Variants in TRIM33 observed in about 807,000 individuals in gnomAD.
TRIM33 encodes E3 ubiquitin-protein ligase TRIM33.
TRIM33 carries 20 observed loss-of-function variants against 125.4 expected under a neutral mutation model. The observed-to-expected ratio is 0.16, with a 90% confidence interval of 0.11 to 0.23. TRIM33 has a LOEUF of 0.23. Among genes scored for constraint, TRIM33 ranks in the 10% least tolerant of loss-of-function variants. The pLI, the probability that TRIM33 is intolerant of heterozygous loss-of-function variation, is 1.00. For synonymous variants in TRIM33, 564 were observed against 513.9 expected (o/e 1.10, Z -1.32); for missense variants, 920 against 1,411.4 (o/e 0.65, Z 5.58).
At chr1:114,406,863 AGTCTT>A in intron 14 of TRIM33, 73 bp downstream of exon 14, 1 of 1,370,204 alleles carries the variant, frequency 7.3e-7, no homozygotes, top group Admixed American at 2.2e-5. Flanking sequence ...CCCACTACTT[AGTCTT>A]AATATACTCA....
intron 4 of TRIM33, among the ~76,000 whole-genome samples, chr1:114,452,792 T>C (rs1171331285): frequency 2.0e-5 from 3 of 147,854 alleles, no homozygotes; most frequent in Non-Finnish European, 4.5e-5. Flanking sequence ...GTCATAACAA[T>C]TTGGAAGGCT....
rs1285256916 is a variant in TRIM33 at position 114,393,419 on chromosome 1, T to C, written c.*4229A>G. Reference sequence around the variant, plus strand: ...GCACTTACAAAATCATTTTGGTGCCTTCCCACACATAAATTTGGTGAATTT... The same window carrying C: ...GCACTTACAAAATCATTTTGGTGCCCTCCCACACATAAATTTGGTGAATTT... On this transcript the variant is annotated 3_prime_UTR_variant, in exon 20 of 20. Transcript: ENST00000358465. The C allele has an allele frequency of 9.9e-6, 2 of 202,174 alleles. No individual in the cohort carries two copies. Among genetic ancestry groups the C allele is most frequent in the Non-Finnish European group, 2.0e-5 (2 of 98,316 alleles). The allele number at this position is 202,174 out of a possible 1,614,324, so 12.5% of individuals were successfully genotyped here.
At chr1:114,487,468 T>C (rs1031056282) in intron 1 of TRIM33, among the ~76,000 whole-genome samples, 9 of 151,066 alleles carry the variant, frequency 6.0e-5, no homozygotes, top group Admixed American at 2.6e-4. Flanking sequence ...TATTCTCAGA[T>C]GAAAAAATAT....
In TRIM33 at chr1:114,395,805, A is replaced by C. The variant is rs1020367804; in HGVS notation, c.*1843T>G. 3.1e-5 allele frequency: 6 copies of C among 190,554 alleles called. No homozygotes were observed. The highest frequency in any genetic ancestry group is 1.4e-4 in the African/African-American group (6 of 43,004). 11.8% of individuals were successfully genotyped at this position (190,554 alleles called of 1,614,324 possible). ...AAGGAAGCCAGGAATAAAGTAAATC[A>C]ATAGTAATAATAAAATCAATACTCT... On this transcript the variant is annotated 3_prime_UTR_variant, in exon 20 of 20. Coordinates refer to ENST00000358465, the MANE Select transcript of TRIM33 (RefSeq NM_015906.4).
At chr1:114,444,271 C>T (rs1257981441) in intron 4 of TRIM33, among the ~76,000 whole-genome samples, 1 of 152,094 alleles carries the variant, frequency 6.6e-6, no homozygotes, top group East Asian at 1.9e-4. Flanking sequence ...TGTGTGAATT[C>T]CTCACAAGTT....
intron 1 of TRIM33, among the ~76,000 whole-genome samples, chr1:114,494,130 T>TTTTAA (rs376002786): frequency 0.026 from 3,981 of 152,008 alleles, 91 homozygotes; most frequent in Non-Finnish European, 0.034. Context: ...GCCATTTTTT[T>TTTTAA]TTTTAATTTT....
At chr1:114,485,800 G>T (rs917268358) in intron 1 of TRIM33, among the ~76,000 whole-genome samples, 1 of 152,080 alleles carries the variant, frequency 6.6e-6, no homozygotes, top group Non-Finnish European at 1.5e-5. Context: ...AAATAGAATC[G>T]CAAGTCTCAG....
chr1:114,422,396 T>C (rs759036171), intron 10 of TRIM33, among the ~76,000 whole-genome samples: 10 of 152,180 alleles, frequency 6.6e-5, no homozygotes, highest in East Asian at 1.9e-4. Context: ...CTAGAAATAC[T>C]TGAAGGCCTT....
chr1:114,429,582 T>G (rs910354030), intron 6 of TRIM33, among the ~76,000 whole-genome samples: 1 of 151,664 alleles, frequency 6.6e-6, no homozygotes, highest in Non-Finnish European at 1.5e-5. Flanking sequence ...CATTTTTATG[T>G]AATTATTCAC....
At chr1:114,435,474 G>A (rs1223670414) in intron 4 of TRIM33, among the ~76,000 whole-genome samples, 3 of 152,166 alleles carry the variant, frequency 2.0e-5, no homozygotes, top group African/African-American at 7.2e-5. Context: ...ATAATACTAT[G>A]AGCATCTAAA....
At chr1:114,409,251 G>C (rs539509115) in intron 12 of TRIM33, among the ~76,000 whole-genome samples, 3 of 152,122 alleles carry the variant, frequency 2.0e-5, no homozygotes, top group African/African-American at 7.2e-5. Flanking sequence ...AACACTTCTA[G>C]ACTGTTAACC....
At position 114,399,606 on chromosome 1, in the gene TRIM33, G is replaced by T; in HGVS notation, c.2971C>A (p.Pro991Thr). The T allele has an allele frequency of 6.3e-7, 1 of 1,594,834 alleles. No individual in the cohort carries two copies. The highest frequency in any genetic ancestry group is 8.6e-7 in the Non-Finnish European group (1 of 1,169,216). The change falls in exon 18 of 20, where the codon CCA becomes ACA. Residue 991 changes from proline (P) to threonine (T), a missense_variant. Pro to Thr is a conservative substitution (Grantham distance 38). Coordinates refer to ENST00000358465, the MANE Select transcript of TRIM33 (RefSeq NM_015906.4). The part of the protein sequence containing the change: ...EFQEPVPASI[P>T]NYYKIIKKPM... ...TTCTTTATAATTTTATAGTAGTTTG[G>T]TATCTAAAATAAGCACATAATGGCA...
chr1:114,470,549 C>T (rs949403928), intron 1 of TRIM33, among the ~76,000 whole-genome samples: 3 of 152,036 alleles, frequency 2.0e-5, no homozygotes, highest in African/African-American at 7.2e-5. Context: ...TGAGACCAAA[C>T]AATATTGAAA....
intron 1 of TRIM33, among the ~76,000 whole-genome samples, chr1:114,487,946 T>C (rs1026443327): frequency 8.3e-5 from 11 of 132,946 alleles, no homozygotes; most frequent in African/African-American, 2.6e-4. Context: ...GTAAATATAA[T>C]AGATTTCTTC....
intron 2 of TRIM33, 144 bp from the exon 3 acceptor site, chr1:114,463,700 T>C: frequency 1.7e-6 from 1 of 594,266 alleles, no homozygotes; most frequent in Non-Finnish European, 2.9e-6. Context: ...ACAAAATCCT[T>C]TTCCTTACAG....
intron 16 of TRIM33, among the ~76,000 whole-genome samples, chr1:114,401,757 C>T (rs1045543577): frequency 6.6e-6 from 1 of 152,182 alleles, no homozygotes; most frequent in Admixed American, 6.5e-5. Flanking sequence ...TTATAAATTA[C>T]TTGGTAATAA....
intron 1 of TRIM33, among the ~76,000 whole-genome samples, chr1:114,474,514 C>A (rs1650853501): frequency 6.9e-6 from 1 of 144,008 alleles, no homozygotes; most frequent in African/African-American, 2.6e-5. Context: ...TTCAAGGCTG[C>A]AGTGAGCTAG....
At chr1:114,399,656 A>G (rs1186081176) in intron 17 of TRIM33, 47 bp from the exon 18 acceptor site, 1 of 1,480,298 alleles carries the variant, frequency 6.8e-7, no homozygotes, top group Non-Finnish European at 9.2e-7. Context: ...AAAAATGCCA[A>G]ACTGTTTAAT....
intron 1 of TRIM33, among the ~76,000 whole-genome samples, chr1:114,486,844 T>C (rs1288887079): frequency 6.6e-6 from 1 of 152,054 alleles, no homozygotes; most frequent in Non-Finnish European, 1.5e-5. Context: ...CCCAGCACTT[T>C]GGGAGGCCAA....
Sources: gnomAD v4.1 joint callset for allele counts (sites outside exome capture counted in the v4.1 genomes callset) on GRCh38, gnomAD v4.1.1 for gene constraint, MANE v1.5 for transcripts, NCBI Gene and HGNC (gene_info 2026-07-23, HGNC 2026-07-21) for gene names.